DHX57: variants seen among roughly 807,000 people sequenced by gnomAD.
DHX57 encodes the protein putative ATP-dependent RNA helicase DHX57.
In DHX57, 105 loss-of-function variants were observed where a neutral mutation model predicts 156.2. That is an observed-to-expected ratio of 0.67 (90% CI 0.57 to 0.79). The LOEUF (loss-of-function observed/expected upper bound fraction) is 0.79. DHX57 is among the 30% of genes least tolerant of loss of function. DHX57 has a pLI of 0.00. For missense variants in DHX57, 1,847 were observed against 1,661.9 expected, an observed-to-expected ratio of 1.11 and a Z score of -1.94; for synonymous variants, 704 against 595.6, an observed-to-expected ratio of 1.18 and a Z score of -2.65.
intron 13 of DHX57, among the ~76,000 whole-genome samples, chr2:38,829,003 C>G (rs769412177): frequency 6.7e-6 from 1 of 150,224 alleles, no homozygotes; most frequent in African/African-American, 2.5e-5. Context: ...TGCAGTTGCG[C>G]GATCACGGCT....
intron 21 of DHX57, among the ~76,000 whole-genome samples, chr2:38,807,945 CTTTTTTTTTTTTTTTTT>C (rs34221239): frequency 2.0e-4 from 11 of 54,254 alleles, no homozygotes; most frequent in Middle Eastern, 0.016. Context: ...TGTGTCTTGC[CTTTTTTTTTTTTTTTTT>C]TTTTTTTTTT....
chr2:38,854,849 A>G (rs1208552252), intron 8 of DHX57: 3 of 455,326 alleles, frequency 6.6e-6, no homozygotes, highest in Non-Finnish European at 1.2e-5. Context: ...GGTGTGAGCC[A>G]CCGCGCCTGG....
chr2:38,858,769 A>G lies in DHX57; in HGVS notation c.1479T>C (p.Asn493=). The G allele has an allele frequency of 6.2e-7, 1 of 1,614,136 alleles. No homozygotes were observed. Among genetic ancestry groups the G allele is most frequent in the Non-Finnish European group, 8.5e-7 (1 of 1,180,010 alleles). ...DDGPAPVIVE[N]ESYVNLKKKI... is the part of the protein sequence containing the mutation. ...TTTTCTTAAGGTTCACATAGCTTTC[A>G]TTCTCTACTATAACAGGTGCAGGAC... Residue 493 remains asparagine, a synonymous_variant, in exon 6 of 24, where the codon AAT becomes AAC. Transcript: ENST00000457308.
At chr2:38,801,554 C>A (rs928187803) in intron 23 of DHX57, among the ~76,000 whole-genome samples, 1 of 151,912 alleles carries the variant, frequency 6.6e-6, no homozygotes, top group African/African-American at 2.4e-5. Context: ...GGATTACAGG[C>A]GCCCGCCACC....
rs1558401655 is a variant in DHX57, at chr2:38,860,995, A to AT, written c.1411+3dup. The AT allele has an allele frequency of 1.2e-6, 2 of 1,610,214 alleles. No individual in the cohort carries two copies. The highest frequency in any genetic ancestry group is 1.7e-5 in the Admixed American group (1 of 59,870). On this transcript the variant is annotated splice_donor_region_variant and intron_variant, in intron 5 of 23. Coordinates refer to ENST00000457308, the MANE Select transcript of DHX57 (RefSeq NM_198963.3). ...TCCCTCCACAAGATCAATGCCTTAC[A>AT]TACCTTCTGGAATTTGATTAGAAAC...
chr2:38,854,827 G>A, intron 8 of DHX57: 2 of 381,288 alleles, frequency 5.2e-6, no homozygotes, highest in South Asian at 5.7e-5. Flanking sequence ...CTCTCAAAGT[G>A]CTGGGATTAC....
rs117562260 is a variant in DHX57, at chr2:38,871,850, G to A, written c.-6-3439C>T. 1.2e-3 allele frequency among the ~76,000 whole-genome samples: 181 copies of A among 152,088 alleles called. 4 individuals carry two copies. In the East Asian group the frequency reaches 0.032, roughly 27 times the overall value. On this transcript the variant is annotated intron_variant, in intron 1 of 23. Coordinates refer to ENST00000457308, the MANE Select transcript of DHX57 (RefSeq NM_198963.3). Reference sequence around the variant, plus strand: ...GCCTCTGGAGTAGCCGGGACTACAGGTGACCGCCGCCGGCTAAGTTTTTGT... The same window carrying A: ...GCCTCTGGAGTAGCCGGGACTACAGATGACCGCCGCCGGCTAAGTTTTTGT...
intron 16 of DHX57, 80 bp from the exon 17 acceptor site, chr2:38,823,349 A>G: frequency 7.4e-7 from 1 of 1,349,362 alleles, no homozygotes; most frequent in South Asian, 1.5e-5. Context: ...TTTGTGAGTG[A>G]TAATAATTTA....
rs958583850 is a variant in DHX57, at chr2:38,856,616, G to A, written c.1588-155C>T. On this transcript the variant is annotated intron_variant, in intron 6 of 23. Transcript: ENST00000457308. ...CTTCCCAGGCTCTAGCGATCCTCCC[G>A]CCTCAAGCTCCCAAGTAGCTGGGAC... The A allele has an allele frequency of 2.3e-5, 22 of 941,216 alleles. No individual in the cohort carries two copies. The African/African-American group carries it at 2.8e-4, about 12-fold the overall frequency. The allele number at this position is 941,216 out of a possible 1,614,324, so 58.3% of individuals were successfully genotyped here.
chr2:38,813,941 C>CT lies in DHX57; in HGVS notation c.3607-47dup, dbSNP rs763085866. 833 of 1,591,954 alleles carry CT rather than the reference C, an allele frequency of 5.2e-4. 1 individual carries two copies. Among genetic ancestry groups the CT allele is most frequent in the Non-Finnish European group, 6.9e-4 (802 of 1,164,066 alleles). Reference sequence around the variant, plus strand: ...TAATTAACAAGTGATATGGCTATTTCTTTTTTTTCTTTTTGAGATGGAGTC... The same window carrying CT: ...TAATTAACAAGTGATATGGCTATTTCTTTTTTTTTCTTTTTGAGATGGAGTC... On this transcript the variant is annotated intron_variant, in intron 20 of 23. Coordinates refer to ENST00000457308, the MANE Select transcript of DHX57 (RefSeq NM_198963.3).
chr2:38,811,614 C>G, intron 21 of DHX57: 2 of 1,371,756 alleles, frequency 1.5e-6, no homozygotes, highest in Admixed American at 1.7e-5. Flanking sequence ...GGTGTCCAGG[C>G]CGGCACTGTA....
chr2:38,829,880 G>A (rs1299915285), intron 13 of DHX57, among the ~76,000 whole-genome samples: 1 of 152,180 alleles, frequency 6.6e-6, no homozygotes, highest in African/African-American at 2.4e-5. Flanking sequence ...ATATTTTAGA[G>A]ACAGCCCATT....
chr2:38,842,901 T>G, intron 12 of DHX57, 104 bp downstream of exon 12: 1 of 1,241,556 alleles, frequency 8.1e-7, no homozygotes, highest in Non-Finnish European at 1.1e-6. Context: ...AAAGGCAATG[T>G]AACTATGAAA....
chr2:38,819,006 C>G (rs373391127), intron 18 of DHX57, 43 bp downstream of exon 18: 2 of 1,613,778 alleles, frequency 1.2e-6, no homozygotes, highest in East Asian at 2.2e-5. Context: ...GTCTTCAGTG[C>G]CAACACTGGT....
rs532272144 is a variant in DHX57 at position 38,839,440 on chromosome 2, G to A, written c.2426-1493C>T. Among the ~76,000 whole-genome samples the A allele has an allele frequency of 8.6e-5, 13 of 151,704 alleles. No homozygotes were observed. In the East Asian group the frequency reaches 1.4e-3, roughly 16 times the overall value. On this transcript the variant is annotated intron_variant, in intron 12 of 23. Coordinates refer to ENST00000457308, the MANE Select transcript of DHX57 (RefSeq NM_198963.3). ...GACAAAAGCAGTTTCGGCTGGGCGC[G>A]GTGGCTCATGCCTGTAATCCCAGCA...
At chr2:38,823,457 C>G (rs759112569) in intron 16 of DHX57, among the ~76,000 whole-genome samples, 188 bp from the exon 17 acceptor site, 32 of 152,124 alleles carry the variant, frequency 2.1e-4, no homozygotes, top group Admixed American at 8.5e-4. Flanking sequence ...ATATTCAGAA[C>G]AAAATTCTCT....
chr2:38,805,081 C>T (rs192790028), intron 22 of DHX57, among the ~76,000 whole-genome samples: 266 of 152,270 alleles, frequency 1.7e-3, no homozygotes, highest in Middle Eastern at 0.014. Flanking sequence ...TACATGGATA[C>T]ATGAACGATT....
chr2:38,798,418 G>A lies in DHX57; in HGVS notation c.4042C>T (p.Arg1348Cys), dbSNP rs1272452704. The A allele has an allele frequency of 6.2e-7, 1 of 1,613,680 alleles. No homozygotes were observed. Among genetic ancestry groups the A allele is most frequent in the South Asian group, 1.1e-5 (1 of 91,030 alleles). ...TGGAGAAGCTGATCAAGTTCGCAACGAAGCTCCTTTACCAGTTCAGCCACC... is the reference window on the plus strand; with the variant it reads ...TGGAGAAGCTGATCAAGTTCGCAACAAAGCTCCTTTACCAGTTCAGCCACC... ...HQVAELVKEL[R>C]CELDQLLQDK... The change falls in exon 24 of 24, where the codon CGT becomes TGT. Residue 1348 changes from arginine to cysteine, a missense_variant. Transcript: ENST00000457308.
intron 21 of DHX57, chr2:38,810,488 A>C: frequency 5.5e-6 from 3 of 543,960 alleles, no homozygotes; most frequent in Non-Finnish European, 7.2e-6. Flanking sequence ...TCCTGAGGGA[A>C]TTGATGTTGA....
Sources: gnomAD v4.1 joint callset for allele counts (sites outside exome capture counted in the v4.1 genomes callset) on GRCh38, gnomAD v4.1.1 for gene constraint, MANE v1.5 for transcripts, NCBI Gene and HGNC (gene_info 2026-07-23, HGNC 2026-07-21) for gene names.